Variants in PANX1 observed in about 807,000 individuals in gnomAD.
PANX1 encodes pannexin-1.
A neutral mutation model predicts 38.7 loss-of-function variants in PANX1; 30 were observed. The ratio of observed to expected loss-of-function variants is 0.78; its 90% CI spans 0.58 to 1.05. PANX1 has a LOEUF of 1.05. Among genes scored for constraint, PANX1 ranks in the 50% least tolerant of loss-of-function variants. PANX1 has a pLI of 0.00. For synonymous variants in PANX1, 230 were observed against 212.2 expected (o/e 1.08, Z -0.73); for missense variants, 551 against 517.2 (o/e 1.07, Z -0.63).
Position 94,129,239 on chromosome 11 carries a change from G to A in PANX1, c.-74G>A, listed in dbSNP as rs140930098. ...AAGCCGCGCGCCCGGCCGGTGACTG[G>A]GTGAAGGCGCCGCGCAGCTTTCCCG... On this transcript the variant is annotated 5_prime_UTR_variant, in exon 1 of 5. Coordinates refer to ENST00000227638, the MANE Select transcript of PANX1 (RefSeq NM_015368.4). 1.2e-4 allele frequency: 159 copies of A among 1,365,990 alleles called. 2 individuals are homozygous for A. The East Asian group carries it at 3.7e-3, about 31-fold the overall frequency. 84.6% of individuals were successfully genotyped at this position (1,365,990 alleles called of 1,614,324 possible).
At chr11:94,168,145 A>G (rs1052033806) in intron 2 of PANX1, among the ~76,000 whole-genome samples, 3 of 152,264 alleles carry the variant, frequency 2.0e-5, no homozygotes, top group African/African-American at 7.2e-5. Flanking sequence ...CCTGATAACC[A>G]GAAGAGAGAG....
chr11:94,144,071 T>TC (rs1403752251), intron 1 of PANX1, among the ~76,000 whole-genome samples: 1 of 151,758 alleles, frequency 6.6e-6, no homozygotes, highest in East Asian at 2.0e-4. Flanking sequence ...TCTGCTTGTT[T>TC]CATGCACATT....
intron 2 of PANX1, among the ~76,000 whole-genome samples, chr11:94,171,706 A>T (rs544104053): frequency 6.6e-6 from 1 of 151,644 alleles, no homozygotes; most frequent in African/African-American, 2.4e-5. Context: ...CACTGGTATG[A>T]CACTGGTATG....
chr11:94,147,298 T>C (rs993809676), intron 1 of PANX1, among the ~76,000 whole-genome samples: 11 of 152,216 alleles, frequency 7.2e-5, no homozygotes, highest in Admixed American at 7.2e-4. Flanking sequence ...GTAAAATATA[T>C]ATATTTAAAT....
Position 94,137,701 on chromosome 11 carries a change from G to A in PANX1, c.181+8208G>A, listed in dbSNP as rs142577143. 9.1e-3 allele frequency among the ~76,000 whole-genome samples: 1,368 copies of A among 150,532 alleles called. 16 individuals are homozygous for A. Among genetic ancestry groups the A allele is most frequent in the African/African-American group, 0.032 (1,296 of 40,830 alleles). On this transcript the variant is annotated intron_variant, in intron 1 of 4. Coordinates refer to ENST00000227638, the MANE Select transcript of PANX1 (RefSeq NM_015368.4). Reference sequence around the variant, plus strand: ...GGGGTGGTGGGGAGGGGACGCTGTTGTTTTTTAATAAATTCTCTATAAAGC... The same window carrying A: ...GGGGTGGTGGGGAGGGGACGCTGTTATTTTTTAATAAATTCTCTATAAAGC...
intron 2 of PANX1, among the ~76,000 whole-genome samples, chr11:94,171,706 A>G (rs544104053): frequency 6.8e-4 from 103 of 151,760 alleles, no homozygotes; most frequent in Non-Finnish European, 1.6e-4. Flanking sequence ...CACTGGTATG[A>G]CACTGGTATG....
At chr11:94,152,491 G>C (rs1946893496) in intron 1 of PANX1, among the ~76,000 whole-genome samples, 1 of 152,224 alleles carries the variant, frequency 6.6e-6, no homozygotes, top group Non-Finnish European at 1.5e-5. Flanking sequence ...ATGTGGAAGA[G>C]AGTGTGCCTG....
chr11:94,176,988 T>C (rs1947242325), intron 2 of PANX1, among the ~76,000 whole-genome samples: 1 of 151,728 alleles, frequency 6.6e-6, no homozygotes, highest in East Asian at 1.9e-4. Flanking sequence ...CCTGGAGTGT[T>C]TGAGTGCCTG....
At chr11:94,144,250 C>G (rs1009051637) in intron 1 of PANX1, among the ~76,000 whole-genome samples, 6 of 152,000 alleles carry the variant, frequency 3.9e-5, no homozygotes, top group South Asian at 2.1e-4. Flanking sequence ...TTCCATCATT[C>G]ATTTCTTACA....
intron 1 of PANX1, among the ~76,000 whole-genome samples, chr11:94,146,376 A>G (rs895647174): frequency 2.6e-5 from 4 of 152,228 alleles, no homozygotes; most frequent in Non-Finnish European, 5.9e-5. Flanking sequence ...CCACATTTAA[A>G]GTATTTGATT....
chr11:94,163,362 G>A (rs1947070147), intron 2 of PANX1, among the ~76,000 whole-genome samples: 1 of 152,092 alleles, frequency 6.6e-6, no homozygotes, highest in Non-Finnish European at 1.5e-5. Flanking sequence ...CTGTGGGTTT[G>A]TTGTAAGTCT....
chr11:94,136,952 C>T (rs1037304175), intron 1 of PANX1, among the ~76,000 whole-genome samples: 108 of 151,960 alleles, frequency 7.1e-4, no homozygotes, highest in Admixed American at 3.5e-3. Context: ...ACAGTCATGG[C>T]GGAAGGCAAA....
chr11:94,133,408 GGC>G (rs2134471900), intron 1 of PANX1, among the ~76,000 whole-genome samples: 1 of 152,248 alleles, frequency 6.6e-6, no homozygotes, highest in South Asian at 2.1e-4. Context: ...TCAAGGTGGA[GGC>G]AACTTTGGTA....
At chr11:94,175,652 G>T (rs919600203) in intron 2 of PANX1, 12 of 721,342 alleles carry the variant, frequency 1.7e-5, no homozygotes, top group Non-Finnish European at 1.9e-5. Context: ...GGTTATGGAA[G>T]CAGCAGAAAC....
Position 94,153,710 on chromosome 11 carries a change from C to T in PANX1, c.321+80C>T. 4 of 1,330,630 alleles carry T rather than the reference C, an allele frequency of 3.0e-6. No homozygotes were observed. The South Asian group carries it at 5.3e-5, about 18-fold the overall frequency. 82.4% of individuals were successfully genotyped at this position (1,330,630 alleles called of 1,614,324 possible). A position where few individuals can be genotyped will look rare whatever the true frequency, so the allele number is the denominator to read the frequency against. On this transcript the variant is annotated intron_variant, in intron 2 of 4. Transcript: ENST00000227638. ...AAGCCCAGGGAGGCTATGCCAAAGA[C>T]CACACAGATATTGTAGCCAACCAGT...
chr11:94,153,899 C>A (rs562548404), intron 2 of PANX1, among the ~76,000 whole-genome samples: 1 of 152,274 alleles, frequency 6.6e-6, no homozygotes, highest in South Asian at 2.1e-4. Context: ...ACCTTTATAT[C>A]ATAATGCCCA....
intron 2 of PANX1, among the ~76,000 whole-genome samples, chr11:94,166,025 C>A (rs12282016): frequency 0.37 from 56,029 of 151,794 alleles, 10,831 homozygotes; most frequent in African/African-American, 0.45. Flanking sequence ...AAAAACAAGC[C>A]AAAAGAAAAC....
intron 2 of PANX1, among the ~76,000 whole-genome samples, chr11:94,167,098 C>A (rs1471811002): frequency 1.3e-5 from 2 of 152,146 alleles, no homozygotes; most frequent in African/African-American, 4.8e-5. Context: ...TTTGTGGGAC[C>A]TGGCAGAAGT....
intron 2 of PANX1, among the ~76,000 whole-genome samples, chr11:94,154,380 G>T (rs1270881611): frequency 6.6e-6 from 1 of 152,238 alleles, no homozygotes; most frequent in Non-Finnish European, 1.5e-5. Context: ...GAGTTATGAA[G>T]TGACTGCATT....
Sources: gnomAD v4.1 joint callset for allele counts (sites outside exome capture counted in the v4.1 genomes callset) on GRCh38, gnomAD v4.1.1 for gene constraint, MANE v1.5 for transcripts, NCBI Gene and HGNC (gene_info 2026-07-23, HGNC 2026-07-21) for gene names.